The following SLC24A2 variants were observed in gnomAD, a reference collection of about 807,000 sequenced individuals.
The protein encoded by SLC24A2 is sodium/potassium/calcium exchanger 2.
A neutral mutation model predicts 62.0 loss-of-function variants in SLC24A2; 36 were observed. The observed-to-expected ratio is 0.58, with a 90% confidence interval of 0.44 to 0.77. The LOEUF is 0.77. Ranked by LOEUF, SLC24A2 falls within the 30% of genes least tolerant of loss-of-function variation. SLC24A2 has a pLI of 0.00. For synonymous variants in SLC24A2, 358 were observed against 294.0 expected, an observed-to-expected ratio of 1.22 and a Z score of -2.23; for missense variants, 846 against 817.9, an observed-to-expected ratio of 1.03 and a Z score of -0.42.
chr9:19,582,223 A>G (rs1836230534), intron 5 of SLC24A2, among the ~76,000 whole-genome samples: 1 of 152,178 alleles, frequency 6.6e-6, no homozygotes, highest in African/African-American at 2.4e-5. Context: ...CTGACATAAA[A>G]CAGAAGCTTC....
intron 2 of SLC24A2, among the ~76,000 whole-genome samples, chr9:19,781,519 C>T (rs1823020439): frequency 6.6e-6 from 1 of 152,086 alleles, no homozygotes; most frequent in African/African-American, 2.4e-5. Flanking sequence ...TCCACTGGGC[C>T]CTTCTGGGTC....
chr9:20,080,895 C>T, the SLC24A2 span, among the ~76,000 whole-genome samples: 1 of 152,092 alleles, frequency 6.6e-6, no homozygotes, highest in African/African-American at 2.4e-5. Flanking sequence ...CATCACTGGC[C>T]ATCAGAGAAA....
intron 2 of SLC24A2, among the ~76,000 whole-genome samples, chr9:19,683,858 G>A (rs543358195): frequency 3.3e-5 from 5 of 152,180 alleles, no homozygotes; most frequent in African/African-American, 1.2e-4. Context: ...CCGGTCCTGG[G>A]CCCAGGGGCT....
rs1443634593 is a variant in SLC24A2, at chr9:19,731,523, G to C, written c.930+54414C>G. On this transcript the variant is annotated intron_variant, in intron 2 of 10. Coordinates refer to ENST00000341998, the MANE Select transcript of SLC24A2 (RefSeq NM_020344.4). The stretch of plus-strand genomic sequence containing the variant: ...TCTCTCTCTCTCTCTCTCCGTGTGT[G>C]TGTGTGTGTGTGTGTGTGTGCATGT... Among the ~76,000 whole-genome samples the C allele has an allele frequency of 7.5e-5, 9 of 119,684 alleles. No homozygotes were observed. In the East Asian group the frequency reaches 2.9e-3, roughly 39 times the overall value. 78.5% of individuals were successfully genotyped at this position (119,684 alleles called of 152,430 possible).
the SLC24A2 span, among the ~76,000 whole-genome samples, chr9:20,265,500 C>G: frequency 6.6e-6 from 1 of 152,314 alleles, no homozygotes; most frequent in East Asian, 1.9e-4. Context: ...GGACACTTAT[C>G]ACTTCCCCAA....
chr9:19,721,359 T>C (rs924529237), intron 2 of SLC24A2, among the ~76,000 whole-genome samples: 5 of 152,204 alleles, frequency 3.3e-5, no homozygotes, highest in South Asian at 4.1e-4. Flanking sequence ...TGACCCTCTG[T>C]TGATACTGGC....
the SLC24A2 span, among the ~76,000 whole-genome samples, chr9:19,846,732 A>G: frequency 6.6e-6 from 1 of 152,192 alleles, no homozygotes; most frequent in Non-Finnish European, 1.5e-5. Flanking sequence ...TTGGAACAGA[A>G]ATGCAGATCT....
At chr9:19,870,405 T>C in the SLC24A2 span, among the ~76,000 whole-genome samples, 1 of 152,206 alleles carries the variant, frequency 6.6e-6, no homozygotes, top group East Asian at 1.9e-4. Context: ...TACCACATCT[T>C]GTTTATTGAT....
chr9:19,874,973 T>G, the SLC24A2 span, among the ~76,000 whole-genome samples: 2 of 145,744 alleles, frequency 1.4e-5, no homozygotes, highest in Admixed American at 1.4e-4. Flanking sequence ...GTTTTCTATG[T>G]CTAACTTTAT....
chr9:19,956,429 G>C, the SLC24A2 span, among the ~76,000 whole-genome samples: 1 of 152,116 alleles, frequency 6.6e-6, no homozygotes, highest in African/African-American at 2.4e-5. Context: ...ACTTAGCAGC[G>C]GTGGCTTTTT....
At chr9:20,168,675 G>T in the SLC24A2 span, among the ~76,000 whole-genome samples, 1 of 151,952 alleles carries the variant, frequency 6.6e-6, no homozygotes, top group Admixed American at 6.6e-5. Context: ...CTACTGGGAT[G>T]CCTAAACTAA....
At chr9:19,956,207 C>A in the SLC24A2 span, among the ~76,000 whole-genome samples, 1 of 152,202 alleles carries the variant, frequency 6.6e-6, no homozygotes, top group South Asian at 2.1e-4. Context: ...ACTGACAAGG[C>A]CAGAACATAG....
the SLC24A2 span, among the ~76,000 whole-genome samples, chr9:20,305,331 C>A: frequency 6.6e-6 from 1 of 152,146 alleles, no homozygotes; most frequent in East Asian, 1.9e-4. Flanking sequence ...TGGTCTCGAT[C>A]TCCTGACCTC....
intron 5 of SLC24A2, among the ~76,000 whole-genome samples, chr9:19,590,135 G>A (rs1439965388): frequency 6.7e-6 from 1 of 148,242 alleles, no homozygotes; most frequent in Non-Finnish European, 1.5e-5. Flanking sequence ...AACTGCCCAT[G>A]GGACCAATTT....
chr9:19,678,628 A>T (rs1356449290), intron 2 of SLC24A2, among the ~76,000 whole-genome samples: 2 of 152,204 alleles, frequency 1.3e-5, no homozygotes, highest in Non-Finnish European at 2.9e-5. Context: ...ACATCTGAAG[A>T]TCTCCCTATA....
At chr9:20,059,808 A>G in the SLC24A2 span, among the ~76,000 whole-genome samples, 3 of 152,158 alleles carry the variant, frequency 2.0e-5, no homozygotes, top group African/African-American at 7.2e-5. Flanking sequence ...AAATTAGAGC[A>G]GAGATAAGTG....
intron 9 of SLC24A2, among the ~76,000 whole-genome samples, chr9:19,527,105 C>T (rs1833479304): frequency 6.6e-6 from 1 of 152,090 alleles, no homozygotes; most frequent in Admixed American, 6.6e-5. Context: ...AAAGTCTATT[C>T]ACATGTTCTC....
At chr9:20,258,076 C>G in the SLC24A2 span, among the ~76,000 whole-genome samples, 2 of 152,174 alleles carry the variant, frequency 1.3e-5, no homozygotes, top group Non-Finnish European at 2.9e-5. Context: ...CTCCCAACCC[C>G]CTACACACAC....
chr9:20,271,006 T>G, the SLC24A2 span, among the ~76,000 whole-genome samples: 1 of 152,142 alleles, frequency 6.6e-6, no homozygotes, highest in Non-Finnish European at 1.5e-5. Context: ...TTCCCCAGGT[T>G]GTGCTAGCCT....
Sources: allele counts gnomAD v4.1 joint callset (sites outside exome capture counted in the v4.1 genomes callset), GRCh38; gene constraint gnomAD v4.1.1; transcripts MANE v1.5; gene names NCBI Gene and HGNC (gene_info 2026-07-23, HGNC 2026-07-21).